The following IRAK1BP1 variants were observed in gnomAD, a reference collection of about 807,000 sequenced individuals.
IRAK1BP1 encodes the protein interleukin-1 receptor-associated kinase 1-binding protein 1.
IRAK1BP1 carries 24 observed loss-of-function variants against 28.0 expected under a neutral mutation model. That is an observed-to-expected ratio of 0.86 (90% CI 0.62 to 1.20). IRAK1BP1 has a LOEUF of 1.20. Among genes scored for constraint, IRAK1BP1 ranks in the 50% most tolerant of loss-of-function variants. The pLI, the probability that IRAK1BP1 is intolerant of heterozygous loss-of-function variation, is 0.00. For missense variants in IRAK1BP1, 336 were observed against 316.7 expected, an observed-to-expected ratio of 1.06 and a Z score of -0.46; for synonymous variants, 131 against 116.3, an observed-to-expected ratio of 1.13 and a Z score of -0.81.
the IRAK1BP1 span, among the ~76,000 whole-genome samples, chr6:78,968,629 T>C: frequency 2.0e-5 from 3 of 152,250 alleles, no homozygotes; most frequent in Non-Finnish European, 1.5e-5. Flanking sequence ...ATGTGTATTA[T>C]ATTTAATCCA....
Position 78,911,300 on chromosome 6 carries a change from T to G in IRAK1BP1, c.*67+8190T>G, listed in dbSNP as rs150235871. Among the ~76,000 whole-genome samples the G allele has an allele frequency of 5.6e-3, 846 of 152,294 alleles. 6 individuals carry two copies. The highest frequency in any genetic ancestry group is 0.02 in the African/African-American group (821 of 41,560). On this transcript the variant is annotated intron_variant and NMD_transcript_variant, in intron 4 of 4. Coordinates refer to the IRAK1BP1 transcript ENST00000606868. ...TTGCGTTCTTCCCAGCTTAGAACTTTTGGTGTCTCCTGATGGTCAAAGGGA... is the reference window on the plus strand; with the variant it reads ...TTGCGTTCTTCCCAGCTTAGAACTTGTGGTGTCTCCTGATGGTCAAAGGGA...
chr6:78,930,872 A>C (rs995274770), intron 4 of IRAK1BP1, among the ~76,000 whole-genome samples: 3 of 152,148 alleles, frequency 2.0e-5, no homozygotes, highest in African/African-American at 2.4e-5. Context: ...TGGAAGTGGC[A>C]GTGAGCCGAG....
At chr6:78,912,205 AAG>A (rs1197965635) in intron 4 of IRAK1BP1, among the ~76,000 whole-genome samples, 1 of 152,084 alleles carries the variant, frequency 6.6e-6, no homozygotes, top group Non-Finnish European at 1.5e-5. Context: ...GTTTGATGAT[AAG>A]AGATTCGTTT....
intron 4 of IRAK1BP1, among the ~76,000 whole-genome samples, chr6:78,922,818 A>T (rs1772776071): frequency 6.6e-6 from 1 of 152,196 alleles, no homozygotes; most frequent in Non-Finnish European, 1.5e-5. Flanking sequence ...ATATCCAACC[A>T]AACTAAGCTT....
At chr6:78,881,116 C>T (rs1771213179) in intron 1 of IRAK1BP1, among the ~76,000 whole-genome samples, 1 of 152,090 alleles carries the variant, frequency 6.6e-6, no homozygotes, top group Non-Finnish European at 1.5e-5. Flanking sequence ...CTGGAAGCAG[C>T]CAAGATGTCT....
chr6:78,874,684 C>A (rs1033136084), intron 1 of IRAK1BP1, among the ~76,000 whole-genome samples: 1 of 152,112 alleles, frequency 6.6e-6, no homozygotes, highest in African/African-American at 2.4e-5. Context: ...CAAAAAATTT[C>A]TATTTATATT....
intron 4 of IRAK1BP1, among the ~76,000 whole-genome samples, chr6:78,927,155 A>G (rs1772911627): frequency 6.6e-6 from 1 of 152,142 alleles, no homozygotes; most frequent in African/African-American, 2.4e-5. Context: ...ACTAATTTAC[A>G]TTCCCACCAA....
In IRAK1BP1 at chr6:78,867,871, C is replaced by T; in HGVS notation, c.295C>T (p.Leu99Phe). ...CRRLDYITQS[L>F]QQQGVQAENI... ...CCGTCTAGATTACATCACGCAGAGC[C>T]TCCAGCAGCAGGGCGTGCAGGTGAG... Residue 99 changes from leucine to phenylalanine, a missense_variant, in exon 1 of 4, where the codon CTC (leucine) becomes TTC (phenylalanine). Coordinates refer to ENST00000369940, the MANE Select transcript of IRAK1BP1 (RefSeq NM_001010844.4). 7 of 1,599,754 alleles carry T rather than the reference C, an allele frequency of 4.4e-6. No homozygotes were observed. Among genetic ancestry groups the T allele is most frequent in the Non-Finnish European group, 6.0e-6 (7 of 1,172,596 alleles).
downstream of IRAK1BP1, among the ~76,000 whole-genome samples, chr6:78,905,891 G>A (rs1443314146): frequency 3.3e-5 from 5 of 152,112 alleles, no homozygotes; most frequent in African/African-American, 7.2e-5. Flanking sequence ...GTGAGCCACC[G>A]TACCTGACCT....
intron 4 of IRAK1BP1, among the ~76,000 whole-genome samples, chr6:78,924,541 G>C (rs1772834282): frequency 6.6e-6 from 1 of 152,170 alleles, no homozygotes. Context: ...AATAGAAAAA[G>C]AGGGAATCCT....
intron 4 of IRAK1BP1, among the ~76,000 whole-genome samples, chr6:78,921,753 A>G (rs554260629): frequency 2.6e-5 from 4 of 152,312 alleles, no homozygotes; most frequent in Admixed American, 1.3e-4. Context: ...AGGCAGCAAC[A>G]TTGGCTATTC....
At chr6:78,923,213 A>G (rs927658314) in intron 4 of IRAK1BP1, among the ~76,000 whole-genome samples, 1 of 152,120 alleles carries the variant, frequency 6.6e-6, no homozygotes, top group Admixed American at 6.6e-5. Context: ...GGCTCAAAAT[A>G]AACAGAAGGA....
At chr6:78,974,847 C>T in the IRAK1BP1 span, among the ~76,000 whole-genome samples, 1 of 150,738 alleles carries the variant, frequency 6.6e-6, no homozygotes, top group East Asian at 1.9e-4. Context: ...TCTGAATAGA[C>T]CAATAACAAG....
chr6:78,887,397 G>T (rs1263455592), intron 2 of IRAK1BP1, among the ~76,000 whole-genome samples: 1 of 152,122 alleles, frequency 6.6e-6, no homozygotes, highest in Non-Finnish European at 1.5e-5. Flanking sequence ...TGGGCGCGAT[G>T]GCTCTCACCT....
chr6:78,952,438 A>G, the IRAK1BP1 span, among the ~76,000 whole-genome samples: 1 of 151,058 alleles, frequency 6.6e-6, no homozygotes, highest in Non-Finnish European at 1.5e-5. Flanking sequence ...GAAAAAAAAA[A>G]AAGAAAAAAA....
At chr6:78,893,320 A>G (rs1029221965) in intron 2 of IRAK1BP1, among the ~76,000 whole-genome samples, 1,774 of 44,828 alleles carry the variant, frequency 0.04, 23 homozygotes, top group African/African-American at 0.12. Flanking sequence ...GTGTGTATAT[A>G]TATATATATA....
rs1051810645 is a variant in IRAK1BP1, at chr6:78,898,818, A to G, written c.*484A>G. 3.9e-5 allele frequency: 6 copies of G among 152,168 alleles called. No individual in the cohort carries two copies. The highest frequency in any genetic ancestry group is 1.3e-4 in the Admixed American group (2 of 15,272). 9.4% of individuals were successfully genotyped at this position (152,168 alleles called of 1,614,324 possible). A position where few individuals can be genotyped will look rare whatever the true frequency, so the allele number is the denominator to read the frequency against. ...TTCCTATATCCCATCAAACCTAATA[A>G]TTTTCCACAACTAAAAATGAGTATA... On this transcript the variant is annotated 3_prime_UTR_variant, in exon 4 of 4. Coordinates refer to ENST00000369940, the MANE Select transcript of IRAK1BP1 (RefSeq NM_001010844.4).
chr6:78,870,413 A>T (rs1391072071), intron 1 of IRAK1BP1, among the ~76,000 whole-genome samples: 1 of 152,030 alleles, frequency 6.6e-6, no homozygotes, highest in African/African-American at 2.4e-5. Context: ...CATATTCTAA[A>T]CTTCTCCAGA....
At chr6:78,966,645 A>G in the IRAK1BP1 span, among the ~76,000 whole-genome samples, 23 of 152,326 alleles carry the variant, frequency 1.5e-4, no homozygotes, top group Non-Finnish European at 2.9e-4. Flanking sequence ...CCTTGTGTCT[A>G]TTTCCTTATC....
Sources: gnomAD v4.1 joint callset for allele counts (sites outside exome capture counted in the v4.1 genomes callset) on GRCh38, gnomAD v4.1.1 for gene constraint, MANE v1.5 for transcripts, NCBI Gene and HGNC (gene_info 2026-07-23, HGNC 2026-07-21) for gene names.